The following GABRB1 variants were observed in gnomAD, a reference collection of about 807,000 sequenced individuals.
GABRB1 encodes gamma-aminobutyric acid receptor subunit beta-1.
A neutral mutation model predicts 51.6 loss-of-function variants in GABRB1; 17 were observed. The ratio of observed to expected loss-of-function variants is 0.33; its 90% CI spans 0.23 to 0.49. The LOEUF (loss-of-function observed/expected upper bound fraction) is 0.49, where lower values mean the gene tolerates loss of function less well. Among genes scored for constraint, GABRB1 ranks in the 20% least tolerant of loss-of-function variants. The pLI is 0.99. For missense variants in GABRB1, 410 were observed against 600.6 expected (o/e 0.68, Z 3.32); for synonymous variants, 247 against 218.9 (o/e 1.13, Z -1.14).
chr4:47,425,796 C>A lies in GABRB1; in HGVS notation c.1203C>A (p.Ser401Arg). The A allele has an allele frequency of 1.2e-5, 20 of 1,614,166 alleles. No individual in the cohort carries two copies. Among genetic ancestry groups the A allele is most frequent in the Non-Finnish European group, 1.7e-5 (20 of 1,180,024 alleles). The change falls in exon 9 of 9, where the codon AGC becomes AGA. Residue 401 changes from serine to arginine, a missense_variant. Ser to Arg is a moderately radical substitution (Grantham distance 110, BLOSUM62 -1). Around this residue, in one of 5 missense-constraint regions of GABRB1, gnomAD observed 181 missense variants for 195.6 expected, o/e 0.93. Coordinates refer to ENST00000295454, the MANE Select transcript of GABRB1 (RefSeq NM_000812.4). ...KATMYSYDSASIQYRKPLSSR... is the reference protein window; with the variant it reads ...KATMYSYDSARIQYRKPLSSR... ...CCATGTACTCCTATGACAGCGCCAG[C>A]ATCCAGTACCGCAAGCCCCTGAGCA...
At chr4:47,113,254 C>G (rs1447439677) in intron 3 of GABRB1, among the ~76,000 whole-genome samples, 2 of 151,902 alleles carry the variant, frequency 1.3e-5, no homozygotes, top group African/African-American at 2.4e-5. Context: ...GGTGTGGTGT[C>G]GTGCACCTGT....
At chr4:47,386,813 A>C (rs1459608774) in intron 5 of GABRB1, among the ~76,000 whole-genome samples, 1 of 152,230 alleles carries the variant, frequency 6.6e-6, no homozygotes, top group Non-Finnish European at 1.5e-5. Flanking sequence ...ATTCTGTAAA[A>C]GGAGAATCAG....
intron 4 of GABRB1, among the ~76,000 whole-genome samples, chr4:47,251,851 G>T (rs369474379): frequency 1.3e-5 from 2 of 152,106 alleles, no homozygotes; most frequent in Non-Finnish European, 2.9e-5. Flanking sequence ...CCACCTAACA[G>T]CCCTGAGTCT....
At chr4:47,260,769 T>C (rs1437998844) in intron 4 of GABRB1, among the ~76,000 whole-genome samples, 2 of 152,066 alleles carry the variant, frequency 1.3e-5, no homozygotes, top group African/African-American at 4.8e-5. Flanking sequence ...TAGACCAATA[T>C]CCTTGATGAA....
chr4:47,127,479 T>C (rs934456362), intron 3 of GABRB1, among the ~76,000 whole-genome samples: 1 of 151,868 alleles, frequency 6.6e-6, no homozygotes, highest in Non-Finnish European at 1.5e-5. Flanking sequence ...AAATGTTTAA[T>C]GAAATTATTT....
chr4:47,115,198 C>G (rs891327201), intron 3 of GABRB1, among the ~76,000 whole-genome samples: 1 of 152,150 alleles, frequency 6.6e-6, no homozygotes, highest in Non-Finnish European at 1.5e-5. Flanking sequence ...ATGCTGATAG[C>G]TAATACATCT....
At chr4:47,038,900 T>G (rs1725711186) in intron 3 of GABRB1, among the ~76,000 whole-genome samples, 1 of 152,180 alleles carries the variant, frequency 6.6e-6, no homozygotes, top group Non-Finnish European at 1.5e-5. Context: ...TATAGTTGAC[T>G]AAATATTAGT....
intron 4 of GABRB1, among the ~76,000 whole-genome samples, chr4:47,180,714 G>A (rs1042921275): frequency 6.6e-6 from 1 of 151,914 alleles, no homozygotes; most frequent in African/African-American, 2.4e-5. Flanking sequence ...TGCAATAATA[G>A]CCAAGAGTTT....
chr4:47,020,105 T>A (rs1724887263), intron 1 of GABRB1, among the ~76,000 whole-genome samples: 1 of 151,686 alleles, frequency 6.6e-6, no homozygotes, highest in Admixed American at 6.6e-5. Flanking sequence ...CCTCTTGAGG[T>A]CTCTCTCCTT....
intron 4 of GABRB1, among the ~76,000 whole-genome samples, chr4:47,243,278 T>G (rs1375426257): frequency 1.3e-5 from 2 of 152,236 alleles, no homozygotes; most frequent in Non-Finnish European, 1.5e-5. Context: ...CATGCTGTTT[T>G]GGTTACTGTA....
intron 1 of GABRB1, among the ~76,000 whole-genome samples, chr4:47,016,660 C>T (rs1724751813): frequency 6.6e-6 from 1 of 152,112 alleles, no homozygotes; most frequent in Admixed American, 6.6e-5. Context: ...ACAGTCTTGG[C>T]TCACTGCAAC....
At chr4:47,351,840 T>G (rs1726355554) in intron 5 of GABRB1, among the ~76,000 whole-genome samples, 1 of 152,012 alleles carries the variant, frequency 6.6e-6, no homozygotes, top group African/African-American at 2.4e-5. Flanking sequence ...TCCAAGTCTT[T>G]GCTATTGTGA....
At chr4:47,350,645 C>A (rs578138167) in intron 5 of GABRB1, among the ~76,000 whole-genome samples, 2 of 152,088 alleles carry the variant, frequency 1.3e-5, no homozygotes, top group East Asian at 3.9e-4. Flanking sequence ...AAAATTGACA[C>A]TTGAAATGGT....
intron 4 of GABRB1, among the ~76,000 whole-genome samples, chr4:47,224,598 G>A (rs1720885384): frequency 6.6e-6 from 1 of 152,128 alleles, no homozygotes; most frequent in African/African-American, 2.4e-5. Context: ...AATTTGATCA[G>A]ATAGCAAGGG....
At chr4:47,105,599 C>A (rs1714931812) in intron 3 of GABRB1, among the ~76,000 whole-genome samples, 1 of 152,092 alleles carries the variant, frequency 6.6e-6, no homozygotes, top group South Asian at 2.1e-4. Flanking sequence ...TTTCTCCTGC[C>A]TCAGTAGATC....
chr4:47,418,839 C>G (rs1729010767), intron 8 of GABRB1, among the ~76,000 whole-genome samples: 1 of 152,154 alleles, frequency 6.6e-6, no homozygotes, highest in Admixed American at 6.5e-5. Context: ...GTAGATGCCT[C>G]TAAACATCCA....
At chr4:47,270,018 G>A (rs1722800607) in intron 4 of GABRB1, among the ~76,000 whole-genome samples, 1 of 147,562 alleles carries the variant, frequency 6.8e-6, no homozygotes, top group Non-Finnish European at 1.5e-5. Flanking sequence ...ACAAATTCCA[G>A]CTTCAACTAG....
At chr4:47,103,895 T>C (rs945610633) in intron 3 of GABRB1, among the ~76,000 whole-genome samples, 4 of 151,822 alleles carry the variant, frequency 2.6e-5, no homozygotes, top group Non-Finnish European at 2.9e-5. Flanking sequence ...TTTCTAACAC[T>C]TGATATCAGC....
At chr4:47,105,932 T>G (rs1370275721) in intron 3 of GABRB1, among the ~76,000 whole-genome samples, 1 of 152,090 alleles carries the variant, frequency 6.6e-6, no homozygotes, top group African/African-American at 2.4e-5. Context: ...GAAAAAAAAT[T>G]TTAACTGGCT....
Sources: gnomAD v4.1 joint callset for allele counts (sites outside exome capture counted in the v4.1 genomes callset) on GRCh38, gnomAD v4.1.1 for gene constraint, gnomAD v4.1.1 regional missense constraint, MANE v1.5 for transcripts, NCBI Gene and HGNC (gene_info 2026-07-23, HGNC 2026-07-21) for gene names.